COL24A1: variants seen among roughly 807,000 people sequenced by gnomAD.
COL24A1 encodes the protein collagen alpha-1(XXIV) chain.
Under a neutral mutation model 253.9 loss-of-function variants are expected in COL24A1, and 224 were observed. The ratio of observed to expected loss-of-function variants is 0.88; its 90% CI spans 0.79 to 0.99. The LOEUF (loss-of-function observed/expected upper bound fraction) is 0.99. Among genes scored for constraint, COL24A1 ranks in the 50% least tolerant of loss-of-function variants. The pLI is 0.00. For missense variants in COL24A1, 2,131 were observed against 2,068.5 expected, an observed-to-expected ratio of 1.03 and a Z score of -0.59; for synonymous variants, 685 against 673.7, an observed-to-expected ratio of 1.02 and a Z score of -0.26.
chr1:85,924,303 C>T (rs1686919760), intron 24 of COL24A1, among the ~76,000 whole-genome samples: 2 of 152,298 alleles, frequency 1.3e-5, no homozygotes, highest in South Asian at 4.1e-4. Context: ...AGAGGGACTC[C>T]TCCTTAACTT....
At chr1:86,089,134 A>AG (rs748924388) in intron 7 of COL24A1, 40 bp downstream of exon 7, 2 of 1,529,280 alleles carry the variant, frequency 1.3e-6, no homozygotes, top group Non-Finnish European at 8.8e-7. Flanking sequence ...AAAAAAGAAA[A>AG]AAAGAAGAAA....
At chr1:85,923,731 A>C (rs917559213) in intron 24 of COL24A1, among the ~76,000 whole-genome samples, 1 of 152,214 alleles carries the variant, frequency 6.6e-6, no homozygotes, top group Admixed American at 6.5e-5. Flanking sequence ...AAGATCTAAA[A>C]TTAACACCCT....
At chr1:86,115,024 A>G (rs908464084) in intron 4 of COL24A1, among the ~76,000 whole-genome samples, 1 of 152,120 alleles carries the variant, frequency 6.6e-6, no homozygotes, top group African/African-American at 2.4e-5. Flanking sequence ...CTCACCTTAG[A>G]TATTGCGATC....
At chr1:86,153,313 A>G (rs1653029404) in intron 1 of COL24A1, among the ~76,000 whole-genome samples, 1 of 147,174 alleles carries the variant, frequency 6.8e-6, no homozygotes, top group African/African-American at 2.5e-5. Context: ...ATTAGACTGG[A>G]GAGCAGCAAC....
At chr1:85,981,455 A>G (rs376624393) in intron 20 of COL24A1, among the ~76,000 whole-genome samples, 3 of 152,302 alleles carry the variant, frequency 2.0e-5, no homozygotes, top group East Asian at 3.9e-4. Flanking sequence ...TGAAAGAATA[A>G]AGCTGGATCC....
chr1:85,927,636 G>A (rs1192146197), intron 24 of COL24A1, among the ~76,000 whole-genome samples: 1 of 92,990 alleles, frequency 1.1e-5, no homozygotes, highest in Non-Finnish European at 2.2e-5. Flanking sequence ...GCAGGGCACA[G>A]ACAAACAAAA....
rs1254437030 is a variant in COL24A1, at chr1:86,108,233, G to A, written c.1599+4334C>T. Among the ~76,000 whole-genome samples the A allele has an allele frequency of 6.6e-5, 10 of 151,968 alleles. No homozygotes were observed. The South Asian group carries it at 1.9e-3, about 28-fold the overall frequency. Reference sequence around the variant, plus strand: ...GTACATGTGATAAATAATTTGATACGTTCTTATAATCAAATCAGGGTAATT... The same window carrying A: ...GTACATGTGATAAATAATTTGATACATTCTTATAATCAAATCAGGGTAATT... On this transcript the variant is annotated intron_variant, in intron 5 of 59. Transcript: ENST00000370571.
chr1:86,059,832 A>G (rs956049744), intron 8 of COL24A1, among the ~76,000 whole-genome samples: 2 of 152,098 alleles, frequency 1.3e-5, no homozygotes, highest in Non-Finnish European at 2.9e-5. Context: ...GCCCTCATGA[A>G]TGGGATAAAT....
chr1:85,832,269 C>G (rs1198862132), intron 43 of COL24A1, among the ~76,000 whole-genome samples: 1 of 152,156 alleles, frequency 6.6e-6, no homozygotes, highest in East Asian at 1.9e-4. Flanking sequence ...GGGCTCTGTT[C>G]TATTCCATTG....
chr1:85,908,536 T>C lies in COL24A1; in HGVS notation c.2724+62A>G, dbSNP rs1002477173. The C allele has an allele frequency of 5.7e-5, 53 of 937,322 alleles. No homozygotes were observed. The Middle Eastern group carries it at 1.3e-3, about 22-fold the overall frequency. 58.1% of individuals were successfully genotyped at this position (937,322 alleles called of 1,614,324 possible). ...AAAAACCAACAATAAAGCATAACAA[T>C]TTATGAGTTTAAATTAAAGTAAACA... On this transcript the variant is annotated intron_variant, in intron 27 of 59. Transcript: ENST00000370571.
At chr1:85,886,139 C>T (rs1448596987) in intron 32 of COL24A1, among the ~76,000 whole-genome samples, 2 of 151,716 alleles carry the variant, frequency 1.3e-5, no homozygotes, top group Admixed American at 6.6e-5. Flanking sequence ...CTTGGCTTGC[C>T]TCCTGGGTTA....
chr1:85,875,187 G>C (rs1680993195), intron 34 of COL24A1, 90 bp downstream of exon 34: 8 of 1,148,830 alleles, frequency 7.0e-6, no homozygotes, highest in South Asian at 3.9e-5. Context: ...CTGCTTTCAA[G>C]TTAGCAAATA....
At chr1:85,782,469 A>C (rs191186702) in intron 51 of COL24A1, among the ~76,000 whole-genome samples, 68 of 151,842 alleles carry the variant, frequency 4.5e-4, no homozygotes, top group Admixed American at 6.6e-4. Flanking sequence ...AGTATGATAG[A>C]CTGGATGAAG....
At chr1:85,925,995 C>T (rs1687155192) in intron 24 of COL24A1, among the ~76,000 whole-genome samples, 1 of 152,116 alleles carries the variant, frequency 6.6e-6, no homozygotes, top group Non-Finnish European at 1.5e-5. Flanking sequence ...CAAACAACCC[C>T]ATCAACAAGT....
At chr1:85,970,678 A>AGTATAT (rs1311168865) in intron 21 of COL24A1, among the ~76,000 whole-genome samples, 1 of 152,210 alleles carries the variant, frequency 6.6e-6, no homozygotes, top group Non-Finnish European at 1.5e-5. Flanking sequence ...AGAATCATAT[A>AGTATAT]GTATATGTTA....
At chr1:86,046,953 T>A in intron 11 of COL24A1, 84 bp from the exon 12 acceptor site, 1 of 834,224 alleles carries the variant, frequency 1.2e-6, no homozygotes. Context: ...TATAAAGCAA[T>A]AAAGTATGAA....
At chr1:86,062,325 T>G (rs1014827596) in intron 8 of COL24A1, among the ~76,000 whole-genome samples, 1 of 152,188 alleles carries the variant, frequency 6.6e-6, no homozygotes, top group East Asian at 1.9e-4. Context: ...CTCCTCTGAA[T>G]GTCCACAGTA....
intron 53 of COL24A1, among the ~76,000 whole-genome samples, chr1:85,763,305 C>T (rs1211208292): frequency 6.6e-6 from 1 of 151,672 alleles, no homozygotes; most frequent in Non-Finnish European, 1.5e-5. Context: ...GTAGTCCTAG[C>T]TACTCGGGAG....
intron 53 of COL24A1, among the ~76,000 whole-genome samples, chr1:85,769,214 G>C (rs1292214535): frequency 3.3e-5 from 5 of 152,072 alleles, no homozygotes; most frequent in Admixed American, 3.3e-4. Context: ...AGGTGTGAGG[G>C]ACACAGCATT....
Sources: gnomAD v4.1 joint callset for allele counts (sites outside exome capture counted in the v4.1 genomes callset) on GRCh38, gnomAD v4.1.1 for gene constraint, MANE v1.5 for transcripts, NCBI Gene and HGNC (gene_info 2026-07-23, HGNC 2026-07-21) for gene names.